CLASP2: variants seen among roughly 807,000 people sequenced by gnomAD.
CLASP2 encodes the protein CLIP-associating protein 2.
CLASP2 carries 47 observed loss-of-function variants against 194.4 expected under a neutral mutation model. The observed-to-expected ratio is 0.24, with a 90% CI of 0.19 to 0.31. The LOEUF (loss-of-function observed/expected upper bound fraction) is 0.31. CLASP2 is among the 10% of genes least tolerant of loss of function. The pLI is 1.00. For missense variants in CLASP2, 1,445 were observed against 1,823.6 expected, an observed-to-expected ratio of 0.79 and a Z score of 3.78; for synonymous variants, 619 against 633.5, an observed-to-expected ratio of 0.98 and a Z score of 0.34.
At chr3:33,532,649 TA>T (rs1240910623) in intron 34 of CLASP2, among the ~76,000 whole-genome samples, 1 of 152,208 alleles carries the variant, frequency 6.6e-6, no homozygotes, top group African/African-American at 2.4e-5. Context: ...TTTCCTGATT[TA>T]AAAAATTCTG....
intron 10 of CLASP2, among the ~76,000 whole-genome samples, chr3:33,624,543 A>C (rs1327337668): frequency 6.6e-6 from 1 of 152,078 alleles, no homozygotes; most frequent in Admixed American, 6.6e-5. Context: ...CAAGACCCCC[A>C]GTGGATGCCT....
At chr3:33,579,879 T>C (rs1048250107) in intron 23 of CLASP2, among the ~76,000 whole-genome samples, 5 of 152,216 alleles carry the variant, frequency 3.3e-5, no homozygotes, top group Non-Finnish European at 5.9e-5. Flanking sequence ...CCTCCACTCC[T>C]GAAAGTAGGA....
intron 2 of CLASP2, among the ~76,000 whole-genome samples, chr3:33,691,787 G>C (rs970917516): frequency 6.6e-6 from 1 of 152,182 alleles, no homozygotes; most frequent in Non-Finnish European, 1.5e-5. Context: ...CTATGAAACA[G>C]AGTAGGCCCA....
At chr3:33,554,176 G>A (rs953210327) in intron 29 of CLASP2, among the ~76,000 whole-genome samples, 6 of 147,892 alleles carry the variant, frequency 4.1e-5, no homozygotes, top group African/African-American at 5.0e-5. Context: ...CCAGTGAACC[G>A]AGGTCACACC....
At chr3:33,607,720 G>A (rs1364922945) in intron 14 of CLASP2, among the ~76,000 whole-genome samples, 14 of 152,022 alleles carry the variant, frequency 9.2e-5, no homozygotes, top group Admixed American at 5.9e-4. Context: ...AATTCAGATA[G>A]TGTATAAATA....
At chr3:33,697,010 T>A (rs1229327309) in intron 1 of CLASP2, 77 bp from the exon 2 acceptor site, 1 of 791,990 alleles carries the variant, frequency 1.3e-6, no homozygotes, top group Admixed American at 2.7e-5. Context: ...TTTTGACATA[T>A]AAAAGATCTT....
At chr3:33,570,878 A>G (rs2063594959) in intron 25 of CLASP2, 88 bp from the exon 26 acceptor site, 3 of 1,230,172 alleles carry the variant, frequency 2.4e-6, no homozygotes, top group Non-Finnish European at 3.4e-6. Flanking sequence ...TCTTTAAAAA[A>G]AAAAAAAAAA....
chr3:33,621,129 T>C (rs2077046490), intron 11 of CLASP2, among the ~76,000 whole-genome samples: 1 of 151,830 alleles, frequency 6.6e-6, no homozygotes, highest in Non-Finnish European at 1.5e-5. Context: ...CTCATCTCAG[T>C]GAGACTGCCT....
At chr3:33,550,144 C>G (rs1289072614) in intron 30 of CLASP2, among the ~76,000 whole-genome samples, 1 of 151,888 alleles carries the variant, frequency 6.6e-6, no homozygotes, top group Non-Finnish European at 1.5e-5. Flanking sequence ...TGGCTCACAT[C>G]TGTAATCCCA....
At chr3:33,602,234 G>C (rs548248812) in intron 18 of CLASP2, among the ~76,000 whole-genome samples, 1 of 152,010 alleles carries the variant, frequency 6.6e-6, no homozygotes, top group Non-Finnish European at 1.5e-5. Context: ...GGCTGGTCAC[G>C]AACTCCTGAC....
intron 6 of CLASP2, among the ~76,000 whole-genome samples, chr3:33,673,211 T>A (rs1266851120): frequency 6.6e-6 from 1 of 151,760 alleles, no homozygotes; most frequent in African/African-American, 2.4e-5. Flanking sequence ...GGTTACCCAC[T>A]AAGGGAAGCC....
At chr3:33,688,704 C>T (rs1029914322) in intron 3 of CLASP2, among the ~76,000 whole-genome samples, 2 of 152,148 alleles carry the variant, frequency 1.3e-5, no homozygotes, top group African/African-American at 4.8e-5. Context: ...ACAATGCTGC[C>T]ATTATAAGTC....
At position 33,606,609 on chromosome 3, in the gene CLASP2, C is replaced by G; in HGVS notation, c.1676G>C (p.Ser559Thr). 1 of 1,613,210 alleles carries G rather than the reference C, an allele frequency of 6.2e-7. No individual in the cohort carries two copies. Among genetic ancestry groups the G allele is most frequent in the Admixed American group, 1.7e-5 (1 of 59,936 alleles). The change falls in exon 16 of 39, where the codon AGC becomes ACC. Residue 559 changes from serine (S) to threonine (T), a missense_variant. Physicochemically the swap from Ser to Thr is moderately conservative, Grantham distance 58. This residue lies in a region of CLASP2 where 174 missense variants were observed against 179.0 expected (regional missense o/e 0.97). Transcript: ENST00000682230. ...ACCTTACTTGAGACTTTCCTGTGAG[C>G]TGGATGAGGACCTGTCTGATTGTGG... Reference protein sequence around the residue: ...SLPQSDRSSSSSQESLNRPFS... With the variant: ...SLPQSDRSSSTSQESLNRPFS...
rs902138980 is a variant in CLASP2, at chr3:33,498,668, C to T, written c.4484G>A (p.Gly1495Glu). Residue 1495 changes from glycine (G) to glutamate (E), a missense_variant, in exon 39 of 39, where the codon GGA becomes GAA. Gly to Glu is a moderately conservative substitution (Grantham distance 98). Around this residue, in one of 4 missense-constraint regions of CLASP2, gnomAD observed 732 missense variants for 987.9 expected, o/e 0.74. Coordinates refer to ENST00000682230, the MANE Select transcript of CLASP2 (RefSeq NM_001365631.1). ...AGAAACATCAGTAGTGGGATCAGCT[C>T]CTCCAGAACCTGTTTGTGCACGTTT... is the stretch of plus-strand genomic sequence containing the variant. ...YIKRAQTGSG[G>E]ADPTTDVSGQ... 6.2e-7 allele frequency: 1 copy of T among 1,613,238 alleles called. No individual in the cohort carries two copies. The highest frequency in any genetic ancestry group is 8.5e-7 in the Non-Finnish European group (1 of 1,179,428).
intron 29 of CLASP2, among the ~76,000 whole-genome samples, chr3:33,555,115 A>C (rs2060696105): frequency 6.6e-6 from 1 of 152,210 alleles, no homozygotes; most frequent in South Asian, 2.1e-4. Flanking sequence ...CCTATGAGGT[A>C]ATACAAATGT....
chr3:33,532,758 C>T (rs1169100474), intron 34 of CLASP2, among the ~76,000 whole-genome samples: 1 of 152,154 alleles, frequency 6.6e-6, no homozygotes, highest in Non-Finnish European at 1.5e-5. Context: ...TGGGACTCTT[C>T]ACAGGCATCA....
At chr3:33,507,901 G>A (rs1237397520) in intron 37 of CLASP2, among the ~76,000 whole-genome samples, 1 of 151,754 alleles carries the variant, frequency 6.6e-6, no homozygotes, top group Admixed American at 6.6e-5. Flanking sequence ...TTTACCTAAC[G>A]ATGTTGGTGG....
chr3:33,557,333 T>C (rs2061133364), intron 29 of CLASP2, among the ~76,000 whole-genome samples: 1 of 152,018 alleles, frequency 6.6e-6, no homozygotes, highest in Non-Finnish European at 1.5e-5. Context: ...GAAACATCTC[T>C]ATATATATTA....
intron 1 of CLASP2, among the ~76,000 whole-genome samples, chr3:33,707,953 T>C (rs1362566071): frequency 6.6e-6 from 1 of 152,152 alleles, no homozygotes; most frequent in Non-Finnish European, 1.5e-5. Flanking sequence ...CTGAATATGG[T>C]ATCACACTTG....
Sources: allele counts gnomAD v4.1 joint callset (sites outside exome capture counted in the v4.1 genomes callset), GRCh38; gene constraint gnomAD v4.1.1; regional missense constraint gnomAD v4.1.1; transcripts MANE v1.5; gene names NCBI Gene and HGNC (gene_info 2026-07-23, HGNC 2026-07-21).